The following FHIT variants were observed in gnomAD, a reference collection of about 807,000 sequenced individuals.
The protein encoded by FHIT is bis(5'-adenosyl)-triphosphatase.
Under a neutral mutation model 17.9 loss-of-function variants are expected in FHIT, and 19 were observed. That is an observed-to-expected ratio of 1.06 (90% CI 0.74 to 1.56). The LOEUF is 1.56. Ranked by LOEUF, FHIT falls within the 40% of genes most tolerant of loss-of-function variation. The pLI is 0.00. For missense variants in FHIT, 248 were observed against 189.2 expected (o/e 1.31, Z -1.82); for synonymous variants, 81 against 69.7 (o/e 1.16, Z -0.81).
intron 4 of FHIT, among the ~76,000 whole-genome samples, chr3:60,679,907 T>C (rs1553696387): frequency 6.6e-6 from 1 of 152,190 alleles, no homozygotes; most frequent in African/African-American, 2.4e-5. Flanking sequence ...TCAACATATA[T>C]TTATAGTTAT....
chr3:61,187,355 G>C (rs990199703), intron 2 of FHIT, among the ~76,000 whole-genome samples: 3 of 152,130 alleles, frequency 2.0e-5, no homozygotes, highest in African/African-American at 7.2e-5. Context: ...CCATGGTAAA[G>C]GGATGAATTC....
chr3:60,155,123 GCTGCATAAGC>G (rs577340307), intron 5 of FHIT, among the ~76,000 whole-genome samples: 104 of 150,594 alleles, frequency 6.9e-4, no homozygotes, highest in Non-Finnish European at 1.3e-3. Context: ...GGAGGTCGAG[GCTGCATAAGC>G]CATGATCATG....
intron 4 of FHIT, among the ~76,000 whole-genome samples, chr3:60,708,924 C>G (rs192125567): frequency 6.6e-6 from 1 of 152,184 alleles, no homozygotes; most frequent in South Asian, 2.1e-4. Flanking sequence ...TCTTCAACCA[C>G]AAATTATTCC....
chr3:60,403,203 A>G (rs1054678276), intron 5 of FHIT, among the ~76,000 whole-genome samples: 2 of 152,236 alleles, frequency 1.3e-5, no homozygotes, highest in Non-Finnish European at 2.9e-5. Context: ...CAGAATTTTA[A>G]CAACAGAGCT....
At chr3:60,158,826 C>G (rs1053144462) in intron 5 of FHIT, among the ~76,000 whole-genome samples, 9 of 152,066 alleles carry the variant, frequency 5.9e-5, no homozygotes, top group Non-Finnish European at 1.2e-4. Flanking sequence ...ATGAATCTCC[C>G]TCCCTTCCTT....
At chr3:60,213,383 C>G (rs771285488) in intron 5 of FHIT, among the ~76,000 whole-genome samples, 4 of 152,242 alleles carry the variant, frequency 2.6e-5, no homozygotes, top group East Asian at 3.9e-4. Flanking sequence ...CAGATTTCAC[C>G]GAAGCAATCT....
intron 4 of FHIT, among the ~76,000 whole-genome samples, chr3:60,806,372 T>G: frequency 6.6e-6 from 1 of 152,204 alleles, no homozygotes; most frequent in Admixed American, 6.5e-5. Flanking sequence ...AGGATCAATT[T>G]ATCTGAATCT....
intron 7 of FHIT, among the ~76,000 whole-genome samples, chr3:59,940,787 A>AT (rs1706474997): frequency 6.6e-6 from 1 of 152,206 alleles, no homozygotes; most frequent in African/African-American, 2.4e-5. Flanking sequence ...GAAATAATAC[A>AT]TGAAAACCTC....
intron 4 of FHIT, among the ~76,000 whole-genome samples, chr3:60,638,446 C>T (rs781920585): frequency 1.4e-4 from 22 of 152,156 alleles, no homozygotes; most frequent in Non-Finnish European, 2.6e-4. Context: ...CCTAACTTAA[C>T]TAAATGTGGG....
chr3:60,645,100 G>C (rs1308546072), intron 4 of FHIT, among the ~76,000 whole-genome samples: 1 of 151,920 alleles, frequency 6.6e-6, no homozygotes, highest in Non-Finnish European at 1.5e-5. Context: ...GGTCATCTAG[G>C]CATCTGCCTT....
At chr3:60,322,121 A>T (rs1360018317) in intron 5 of FHIT, among the ~76,000 whole-genome samples, 1 of 152,182 alleles carries the variant, frequency 6.6e-6, no homozygotes, top group Non-Finnish European at 1.5e-5. Flanking sequence ...AGCCCATAGA[A>T]ATACCGTGGG....
intron 5 of FHIT, among the ~76,000 whole-genome samples, chr3:60,235,975 T>G (rs562639532): frequency 4.1e-4 from 62 of 152,204 alleles, no homozygotes; most frequent in African/African-American, 1.4e-3. Context: ...GAGGACTTCT[T>G]GTATTTTGCT....
intron 7 of FHIT, among the ~76,000 whole-genome samples, chr3:59,931,965 C>G (rs1292753266): frequency 7.4e-6 from 1 of 135,466 alleles, no homozygotes; most frequent in Non-Finnish European, 1.6e-5. Context: ...AAATTAAGAT[C>G]TTTTCAAGTA....
At chr3:59,892,141 T>C (rs1703880017) in intron 8 of FHIT, among the ~76,000 whole-genome samples, 1 of 152,164 alleles carries the variant, frequency 6.6e-6, no homozygotes, top group African/African-American at 2.4e-5. Flanking sequence ...TCATACAAGT[T>C]GAACAACAAC....
intron 5 of FHIT, among the ~76,000 whole-genome samples, chr3:60,141,283 T>C (rs2107300494): frequency 6.6e-6 from 1 of 151,458 alleles, no homozygotes; most frequent in East Asian, 1.9e-4. Flanking sequence ...TTTTTCAGGG[T>C]TGTGGGAATT....
intron 5 of FHIT, among the ~76,000 whole-genome samples, chr3:60,121,405 G>T: frequency 6.6e-6 from 1 of 152,124 alleles, no homozygotes; most frequent in Admixed American, 6.5e-5. Flanking sequence ...ATGTGTACAG[G>T]CCGGGCACAG....
chr3:60,814,872 T>C (rs964431752), intron 4 of FHIT, among the ~76,000 whole-genome samples: 1 of 146,802 alleles, frequency 6.8e-6, no homozygotes, highest in Non-Finnish European at 1.5e-5. Context: ...CAACATGTGG[T>C]TTTTTTTTGT....
rs60361063 is a variant in FHIT, at chr3:59,788,881, G to GTTTTTTTTTTTTTT, written c.349-36561_349-36560insAAAAAAAAAAAAAA. Among the ~76,000 whole-genome samples, 825 of 86,826 alleles carry GTTTTTTTTTTTTTT rather than the reference G, an allele frequency of 9.5e-3. 197 individuals are homozygous for GTTTTTTTTTTTTTT. The highest frequency in any genetic ancestry group is 0.03 in the African/African-American group (647 of 21,852). The allele number at this position is 86,826 out of a possible 152,430, so 57.0% of individuals were successfully genotyped here. A position where few individuals can be genotyped will look rare whatever the true frequency, so the allele number is the denominator to read the frequency against. ...ACCACGTTCTTTGCTGAGTTCATAT[G>GTTTTTTTTTTTTTT]TTTTTTTTTTTTACCCCATCTCCAA... On this transcript the variant is annotated intron_variant, in intron 8 of 9. Transcript: ENST00000492590.
intron 3 of FHIT, among the ~76,000 whole-genome samples, chr3:60,883,371 A>C (rs1224631414): frequency 6.6e-6 from 1 of 152,156 alleles, no homozygotes; most frequent in East Asian, 1.9e-4. Flanking sequence ...AAAATCCTAA[A>C]ATTTATGTGG....
Sources: gnomAD v4.1 joint callset for allele counts (sites outside exome capture counted in the v4.1 genomes callset) on GRCh38, gnomAD v4.1.1 for gene constraint, MANE v1.5 for transcripts, NCBI Gene and HGNC (gene_info 2026-07-23, HGNC 2026-07-21) for gene names.